LHFPL3: variants seen among roughly 807,000 people sequenced by gnomAD.
The protein encoded by LHFPL3 is LHFPL tetraspan subfamily member 3 protein.
In LHFPL3, 5 loss-of-function variants were observed where a neutral mutation model predicts 19.3. That is an observed-to-expected ratio of 0.26 (90% confidence interval 0.14 to 0.54). LHFPL3 has a LOEUF of 0.54. LHFPL3 is among the 20% of genes least tolerant of loss of function. The probability of loss-of-function intolerance (pLI) is 0.94; values close to 1 mark genes in which losing one functional copy is unlikely to be tolerated. For synonymous variants in LHFPL3, 133 were observed against 126.2 expected (o/e 1.05, Z -0.36); for missense variants, 249 against 307.4 (o/e 0.81, Z 1.42).
intron 1 of LHFPL3, among the ~76,000 whole-genome samples, chr7:104,420,554 A>ATTTTTTTTTTTTTTTT (rs71153195): frequency 8.9e-6 from 1 of 112,710 alleles, no homozygotes; most frequent in Non-Finnish European, 1.7e-5. Context: ...CAAAGGGTGA[A>ATTTTTTTTTTTTTTTT]TTTTTTTTTT....
At chr7:104,780,623 C>T (rs931720263) in intron 2 of LHFPL3, among the ~76,000 whole-genome samples, 1 of 152,140 alleles carries the variant, frequency 6.6e-6, no homozygotes, top group Admixed American at 6.5e-5. Flanking sequence ...ACCACTGTCA[C>T]TTACAACCGC....
chr7:104,692,838 C>A (rs1792928955), intron 1 of LHFPL3, among the ~76,000 whole-genome samples: 1 of 152,196 alleles, frequency 6.6e-6, no homozygotes, highest in Non-Finnish European at 1.5e-5. Flanking sequence ...AGCACAGAGT[C>A]CCCACTAGGG....
chr7:104,900,094 G>C (rs1792453467), intron 2 of LHFPL3, among the ~76,000 whole-genome samples: 1 of 152,166 alleles, frequency 6.6e-6, no homozygotes, highest in African/African-American at 2.4e-5. Flanking sequence ...CTGTCACCCT[G>C]CCATGGACCT....
chr7:104,383,150 G>A (rs750021175), intron 1 of LHFPL3, among the ~76,000 whole-genome samples: 2 of 152,198 alleles, frequency 1.3e-5, no homozygotes, highest in East Asian at 1.9e-4. Flanking sequence ...TGTCAGAATC[G>A]TTAGTCATTT....
rs780741977 is a variant in LHFPL3 at position 104,892,879 on chromosome 7, G to A, written c.683-13308G>A. ...TATCCTGCTTTATTCTTTTATTATG[G>A]TATGTATGTTATTCATTTATTATAG... On this transcript the variant is annotated intron_variant, in intron 2 of 2. Coordinates refer to ENST00000424859, the MANE Select transcript of LHFPL3 (RefSeq NM_199000.3). 2.6e-5 allele frequency among the ~76,000 whole-genome samples: 4 copies of A among 151,668 alleles called. No individual in the cohort carries two copies. The South Asian group carries it at 8.3e-4, about 32-fold the overall frequency.
intron 1 of LHFPL3, among the ~76,000 whole-genome samples, chr7:104,528,373 A>T (rs1240100960): frequency 6.6e-6 from 1 of 152,316 alleles, no homozygotes; most frequent in Non-Finnish European, 1.5e-5. Flanking sequence ...AGGAAATTGA[A>T]TTTAAATTTG....
intron 2 of LHFPL3, among the ~76,000 whole-genome samples, chr7:104,784,738 T>C (rs1187925349): frequency 2.6e-5 from 4 of 152,168 alleles, no homozygotes; most frequent in Admixed American, 6.5e-5. Context: ...ATAAACAAAA[T>C]GTCATATGAC....
chr7:104,525,806 C>T (rs1308645824), intron 1 of LHFPL3, among the ~76,000 whole-genome samples: 2 of 152,064 alleles, frequency 1.3e-5, no homozygotes, highest in Non-Finnish European at 2.9e-5. Context: ...AGAGTTTTGC[C>T]ATGTTGGCCA....
At chr7:104,450,116 G>T (rs569134664) in intron 1 of LHFPL3, among the ~76,000 whole-genome samples, 1 of 152,230 alleles carries the variant, frequency 6.6e-6, no homozygotes, top group African/African-American at 2.4e-5. Flanking sequence ...AACATCTGTG[G>T]TCTTGTGAGT....
At chr7:104,584,072 T>C (rs1347440065) in intron 1 of LHFPL3, among the ~76,000 whole-genome samples, 2 of 151,984 alleles carry the variant, frequency 1.3e-5, no homozygotes, top group East Asian at 1.9e-4. Flanking sequence ...TGTCCAACAA[T>C]GATAGACTGG....
chr7:104,710,198 A>C lies in LHFPL3; in HGVS notation c.446-26477A>C, dbSNP rs1793275401. Among the ~76,000 whole-genome samples the C allele has an allele frequency of 2.6e-5, 4 of 152,252 alleles. No individual in the cohort carries two copies. The South Asian group carries it at 8.3e-4, about 31-fold the overall frequency. Reference sequence around the variant, plus strand: ...TGTCATTTTGACAACTCAGCATGCCAATACTTTGAAATAAGTTGGTCAACT... The same window carrying C: ...TGTCATTTTGACAACTCAGCATGCCCATACTTTGAAATAAGTTGGTCAACT... On this transcript the variant is annotated intron_variant, in intron 1 of 2. Transcript: ENST00000424859.
chr7:104,874,212 A>C (rs1222423985), intron 2 of LHFPL3, among the ~76,000 whole-genome samples: 1 of 152,232 alleles, frequency 6.6e-6, no homozygotes, highest in East Asian at 1.9e-4. Context: ...ACAAATCACA[A>C]TTGATGCCAA....
chr7:104,412,234 AG>A (rs1791547306), intron 1 of LHFPL3, among the ~76,000 whole-genome samples: 1 of 151,906 alleles, frequency 6.6e-6, no homozygotes, highest in South Asian at 2.1e-4. Context: ...CAATCCCTTG[AG>A]GGGGTGTGGC....
Position 104,896,473 on chromosome 7 carries a change from G to C in LHFPL3, c.683-9714G>C, listed in dbSNP as rs913683207. The stretch of plus-strand genomic sequence containing the variant: ...GGTGAGCTCCATTAACGGATGACTG[G>C]GGCAAAACAGAAACCCAAAAAAGAT... On this transcript the variant is annotated intron_variant, in intron 2 of 2. Transcript: ENST00000424859. Among the ~76,000 whole-genome samples, 14 of 152,284 alleles carry C rather than the reference G, an allele frequency of 9.2e-5. No individual in the cohort carries two copies. The Middle Eastern group carries it at 0.014, about 148-fold the overall frequency.
chr7:104,830,863 T>C (rs1790939173), intron 2 of LHFPL3, among the ~76,000 whole-genome samples: 1 of 151,852 alleles, frequency 6.6e-6, no homozygotes, highest in South Asian at 2.1e-4. Context: ...TCATGGAATA[T>C]ATAGAAGAAG....
intron 1 of LHFPL3, among the ~76,000 whole-genome samples, chr7:104,680,969 A>G (rs1193777964): frequency 6.6e-6 from 1 of 152,214 alleles, no homozygotes; most frequent in Non-Finnish European, 1.5e-5. Context: ...AACCTAAAAC[A>G]GCTTAAATTT....
chr7:104,845,243 C>A, intron 2 of LHFPL3: 1 of 666,898 alleles, frequency 1.5e-6, no homozygotes, highest in Non-Finnish European at 2.7e-6. Context: ...CAAGTATGTG[C>A]AGAGAATCAC....
intron 1 of LHFPL3, among the ~76,000 whole-genome samples, chr7:104,608,593 A>G (rs923053669): frequency 6.6e-6 from 1 of 151,884 alleles, no homozygotes; most frequent in African/African-American, 2.4e-5. Flanking sequence ...ACATGTATAC[A>G]TATGTAACAA....
At chr7:104,360,643 GGGAGGTT>G (rs1790372869) in intron 1 of LHFPL3, among the ~76,000 whole-genome samples, 1 of 150,542 alleles carries the variant, frequency 6.6e-6, no homozygotes, top group Admixed American at 6.6e-5. Context: ...TTCAGCTTTA[GGGAGGTT>G]GATTTCCACA....
Sources: gnomAD v4.1 joint callset for allele counts (sites outside exome capture counted in the v4.1 genomes callset) on GRCh38, gnomAD v4.1.1 for gene constraint, MANE v1.5 for transcripts, NCBI Gene and HGNC (gene_info 2026-07-23, HGNC 2026-07-21) for gene names.